AKAP6: variants seen among roughly 807,000 people sequenced by gnomAD.
AKAP6 encodes A-kinase anchoring protein 6.
Under a neutral mutation model 188.5 loss-of-function variants are expected in AKAP6, and 58 were observed. The observed-to-expected ratio is 0.31, with a 90% CI of 0.25 to 0.38. The LOEUF is 0.38. Ranked by LOEUF, AKAP6 falls within the 10% of genes least tolerant of loss-of-function variation. The pLI is 1.00. For missense variants in AKAP6, 2,710 were observed against 2,740.0 expected (o/e 0.99, Z 0.24); for synonymous variants, 989 against 998.6 (o/e 0.99, Z 0.18).
intron 9 of AKAP6, among the ~76,000 whole-genome samples, chr14:32,729,449 A>T (rs1359277886): frequency 6.6e-6 from 1 of 152,176 alleles, no homozygotes; most frequent in African/African-American, 2.4e-5. Context: ...GTAAGTACTC[A>T]ATAAGAATTT....
In AKAP6 at chr14:32,773,843, C is replaced by T; in HGVS notation, c.3538C>T (p.Gln1180Ter). The T allele has an allele frequency of 6.2e-7, 1 of 1,614,092 alleles. No individual in the cohort carries two copies. ...LERRWEAIVMQAVQWQTRLQK... is the reference protein window; with the variant it reads ...LERRWEAIVM ...AAGAAGGTGGGAAGCCATTGTCATGCAAGCCGTCCAGTGGCAAACACGTCT... is the reference window on the plus strand; with the variant it reads ...AAGAAGGTGGGAAGCCATTGTCATGTAAGCCGTCCAGTGGCAAACACGTCT... Residue 1180 changes from glutamine to a stop codon, truncating the protein, a stop_gained, in exon 12 of 14, where the codon CAA becomes TAA. Coordinates refer to ENST00000280979, the MANE Select transcript of AKAP6 (RefSeq NM_004274.5). LOFTEE classifies it high-confidence loss of function.
At chr14:32,670,773 C>T (rs771273699) in intron 7 of AKAP6, among the ~76,000 whole-genome samples, 38 of 150,030 alleles carry the variant, frequency 2.5e-4, no homozygotes, top group Admixed American at 5.3e-4. Flanking sequence ...TTCTATATTT[C>T]AATTATTTTA....
At chr14:32,695,089 C>T (rs1443490740) in intron 8 of AKAP6, among the ~76,000 whole-genome samples, 1 of 152,228 alleles carries the variant, frequency 6.6e-6, no homozygotes. Context: ...AATAGAGAAT[C>T]ACATTAATCC....
At chr14:32,551,719 C>T (rs1391843867) in intron 4 of AKAP6, among the ~76,000 whole-genome samples, 6 of 151,760 alleles carry the variant, frequency 4.0e-5, no homozygotes, top group Non-Finnish European at 5.9e-5. Flanking sequence ...AGTGCAGTGG[C>T]ACGATCTCGG....
At chr14:32,803,548 T>G (rs574610449) in intron 12 of AKAP6, among the ~76,000 whole-genome samples, 1 of 152,304 alleles carries the variant, frequency 6.6e-6, no homozygotes, top group South Asian at 2.1e-4. Flanking sequence ...ATACCTCCTC[T>G]TCCCAAATTT....
chr14:32,764,935 T>A (rs1309210500), intron 11 of AKAP6, among the ~76,000 whole-genome samples: 1 of 77,370 alleles, frequency 1.3e-5, no homozygotes, highest in East Asian at 6.3e-4. Flanking sequence ...AAGTGAATCT[T>A]TTTTTTTTTT....
At chr14:32,789,977 A>G (rs2033558903) in intron 12 of AKAP6, among the ~76,000 whole-genome samples, 1 of 152,198 alleles carries the variant, frequency 6.6e-6, no homozygotes, top group African/African-American at 2.4e-5. Flanking sequence ...AATCACGACA[A>G]AACAGTACAG....
At chr14:32,467,791 A>G (rs989072315) in intron 2 of AKAP6, among the ~76,000 whole-genome samples, 2 of 152,020 alleles carry the variant, frequency 1.3e-5, no homozygotes, top group African/African-American at 4.8e-5. Context: ...TTACTTTTCA[A>G]TGAGACCCCC....
chr14:32,500,700 C>T (rs536578862), intron 2 of AKAP6, among the ~76,000 whole-genome samples: 1 of 152,248 alleles, frequency 6.6e-6, no homozygotes, highest in East Asian at 1.9e-4. Context: ...AAGTCTGTAT[C>T]AAAAGGGCTG....
At chr14:32,774,929 G>A (rs1361083862) in intron 12 of AKAP6, among the ~76,000 whole-genome samples, 1 of 152,142 alleles carries the variant, frequency 6.6e-6, no homozygotes, top group Non-Finnish European at 1.5e-5. Flanking sequence ...TCTTTGACGT[G>A]TTAGGCACTT....
chr14:32,336,348 C>T (rs1268705020), intron 1 of AKAP6, among the ~76,000 whole-genome samples: 9 of 152,064 alleles, frequency 5.9e-5, no homozygotes, highest in Non-Finnish European at 1.3e-4. Context: ...CCTTGTACCC[C>T]TGAACAATTC....
intron 2 of AKAP6, among the ~76,000 whole-genome samples, chr14:32,521,176 G>A (rs1012920815): frequency 2.0e-5 from 3 of 152,054 alleles, no homozygotes; most frequent in Non-Finnish European, 2.9e-5. Flanking sequence ...AGGTATTGAT[G>A]GGATGTATCT....
At chr14:32,553,521 A>G (rs114249838) in intron 4 of AKAP6, among the ~76,000 whole-genome samples, 1,566 of 152,258 alleles carry the variant, frequency 0.01, 16 homozygotes, top group African/African-American at 0.023. Context: ...ATATATTCAC[A>G]TGGTTTTAAA....
chr14:32,355,967 C>T lies in AKAP6; in HGVS notation c.-35+26559C>T, dbSNP rs552491802. ...TTTTTATATATTTTTTTCGTAAAGA[C>T]GGGGTTTCACCATGTTGCCCAGGCT... is the stretch of plus-strand genomic sequence containing the variant. On this transcript the variant is annotated intron_variant, in intron 1 of 13. Coordinates refer to ENST00000280979, the MANE Select transcript of AKAP6 (RefSeq NM_004274.5). Among the ~76,000 whole-genome samples, 168 of 151,928 alleles carry T rather than the reference C, an allele frequency of 1.1e-3. 1 individual carries two copies. Among genetic ancestry groups the T allele is most frequent in the African/African-American group, 3.9e-3 (162 of 41,470 alleles).
chr14:32,493,134 G>T (rs560050553), intron 2 of AKAP6, among the ~76,000 whole-genome samples: 1 of 152,156 alleles, frequency 6.6e-6, no homozygotes, highest in Non-Finnish European at 1.5e-5. Context: ...CTAATTTATC[G>T]TCAGAAGTGA....
chr14:32,812,379 C>A (rs181889183), intron 12 of AKAP6, among the ~76,000 whole-genome samples: 1 of 152,128 alleles, frequency 6.6e-6, no homozygotes, highest in African/African-American at 2.4e-5. Context: ...AAAAACTCTT[C>A]CTAAATTTTT....
intron 4 of AKAP6, among the ~76,000 whole-genome samples, chr14:32,553,460 C>T (rs375269660): frequency 2.0e-5 from 3 of 152,120 alleles, no homozygotes; most frequent in African/African-American, 7.2e-5. Flanking sequence ...GCGTGAGCCA[C>T]CGCGCCTGGC....
intron 12 of AKAP6, among the ~76,000 whole-genome samples, chr14:32,779,014 A>G (rs1041855365): frequency 7.2e-5 from 11 of 152,280 alleles, no homozygotes; most frequent in South Asian, 2.1e-4. Flanking sequence ...ATCCTGTTAA[A>G]TGGGAATGGA....
chr14:32,544,478 A>G (rs111478689), intron 3 of AKAP6, among the ~76,000 whole-genome samples: 2 of 152,328 alleles, frequency 1.3e-5, no homozygotes, highest in African/African-American at 4.8e-5. Context: ...GGGAGTTTTA[A>G]ATCAAATCAG....
Sources: allele counts gnomAD v4.1 joint callset (sites outside exome capture counted in the v4.1 genomes callset), GRCh38; gene constraint gnomAD v4.1.1; transcripts MANE v1.5; gene names NCBI Gene and HGNC (gene_info 2026-07-23, HGNC 2026-07-21).